The following ZFC3H1 variants were observed in gnomAD, a reference collection of about 807,000 sequenced individuals.
ZFC3H1 encodes the protein zinc finger C3H1-type containing.
In ZFC3H1, 71 loss-of-function variants were observed where a neutral mutation model predicts 243.7. The ratio of observed to expected loss-of-function variants is 0.29; its 90% CI spans 0.24 to 0.36. The LOEUF (loss-of-function observed/expected upper bound fraction) is 0.36, where lower values mean the gene tolerates loss of function less well. Ranked by LOEUF, ZFC3H1 falls within the 10% of genes least tolerant of loss-of-function variation. The pLI, the probability that ZFC3H1 is intolerant of heterozygous loss-of-function variation, is 1.00. For synonymous variants in ZFC3H1, 838 were observed against 813.0 expected, an observed-to-expected ratio of 1.03 and a Z score of -0.52; for missense variants, 1,966 against 2,317.1, an observed-to-expected ratio of 0.85 and a Z score of 3.11.
chr12:71,640,222 A>G (rs971231803), intron 6 of ZFC3H1, among the ~76,000 whole-genome samples: 1 of 152,140 alleles, frequency 6.6e-6, no homozygotes, highest in Non-Finnish European at 1.5e-5. Flanking sequence ...AGGTTTCACC[A>G]TGTTGGCCAG....
rs1279883035 is a variant in ZFC3H1 at position 71,615,331 on chromosome 12, C to T, written c.5145-15G>A. ...TTAAGAGATACCTGAAAAAAAAAAT[C>T]CAAATATTGTTTTAAATTACACCTA... On this transcript the variant is annotated splice_polypyrimidine_tract_variant and intron_variant, in intron 27 of 34. Transcript: ENST00000378743. The T allele has an allele frequency of 1.3e-6, 2 of 1,521,278 alleles. No homozygotes were observed. Among genetic ancestry groups the T allele is most frequent in the South Asian group, 1.2e-5 (1 of 85,792 alleles). The allele number at this position is 1,521,278 out of a possible 1,614,324, so 94.2% of individuals were successfully genotyped here.
intron 3 of ZFC3H1, among the ~76,000 whole-genome samples, chr12:71,647,316 T>C (rs1223779681): frequency 6.6e-6 from 1 of 152,064 alleles, no homozygotes; most frequent in East Asian, 1.9e-4. Flanking sequence ...GTTCAGTTTG[T>C]AGAAAAGAAT....
At position 71,632,369 on chromosome 12, in the gene ZFC3H1, G is replaced by A; in HGVS notation, c.2963C>T (p.Ala988Val). 6.2e-7 allele frequency: 1 copy of A among 1,613,486 alleles called. No individual in the cohort carries two copies. The highest frequency in any genetic ancestry group is 8.5e-7 in the Non-Finnish European group (1 of 1,179,828). ...ATTTTGTTGTTCCTTTGCTTTAAGG[G>A]CACGGGCTTCTTTTAATTTTTGAAT... ...LKIQKLKEAR[A>V]LKAKEQQNIS... Residue 988 changes from alanine (A) to valine (V), a missense_variant, in exon 15 of 35, where the codon GCC (alanine) becomes GTC (valine). Physicochemically the swap from Ala to Val is moderately conservative, Grantham distance 64 (BLOSUM62 0). Transcript: ENST00000378743.
At chr12:71,653,319 G>A (rs1880937438) in intron 2 of ZFC3H1, among the ~76,000 whole-genome samples, 1 of 152,184 alleles carries the variant, frequency 6.6e-6, no homozygotes, top group South Asian at 2.1e-4. Flanking sequence ...TAAAACGAAA[G>A]ATGTATCAGA....
intron 1 of ZFC3H1, 32 bp from the exon 2 acceptor site, chr12:71,657,333 A>G (rs569968487): frequency 1.4e-6 from 2 of 1,416,708 alleles, no homozygotes; most frequent in Admixed American, 5.4e-5. Context: ...CCAGTTTCCA[A>G]AAATTTTCCA....
At chr12:71,626,235 CACGT>C (rs1565809390) in intron 22 of ZFC3H1, 21 bp downstream of exon 22, 1 of 1,610,514 alleles carries the variant, frequency 6.2e-7, no homozygotes, top group Non-Finnish European at 8.5e-7. Context: ...CACACACACA[CACGT>C]ACGTTATCTT....
Position 71,631,906 on chromosome 12 carries a change from A to G in ZFC3H1, c.3361-19T>C, listed in dbSNP as rs1476661840. ...AAATCTCCTGCAAAAGAAAATAATA[A>G]TTCTGTAAGGCAAATAAGGCTGGGT... is the stretch of plus-strand genomic sequence containing the variant. On this transcript the variant is annotated intron_variant, in intron 15 of 34. Transcript: ENST00000378743. 2.5e-6 allele frequency: 4 copies of G among 1,608,820 alleles called. No homozygotes were observed. The African/African-American group carries it at 5.4e-5, about 22-fold the overall frequency.
intron 27 of ZFC3H1, 142 bp downstream of exon 27, chr12:71,619,171 TTC>T (rs1176084066): frequency 2.2e-5 from 14 of 629,640 alleles, no homozygotes; most frequent in Non-Finnish European, 2.6e-5. Context: ...GTTCTATTTA[TTC>T]TGTTTCAAGT....
rs750223406 is a variant in ZFC3H1, at chr12:71,657,123, T to G, written c.777A>C (p.Glu259Asp). 3.7e-6 allele frequency: 6 copies of G among 1,613,994 alleles called. No homozygotes were observed. The highest frequency in any genetic ancestry group is 5.1e-6 in the Non-Finnish European group (6 of 1,179,938). ...ALSSKEENVQEDPKTLNFEDQ... is the reference protein window; with the variant it reads ...ALSSKEENVQDDPKTLNFEDQ... ...CCTCGAAGTTCAATGTTTTAGGATCTTCCTGCACATTCTCTTCTTTGCTAC... is the reference window on the plus strand; with the variant it reads ...CCTCGAAGTTCAATGTTTTAGGATCGTCCTGCACATTCTCTTCTTTGCTAC... Residue 259 changes from glutamate (E) to aspartate (D), a missense_variant, in exon 2 of 35, where the codon GAA becomes GAC. Coordinates refer to ENST00000378743, the MANE Select transcript of ZFC3H1 (RefSeq NM_144982.5).
intron 2 of ZFC3H1, among the ~76,000 whole-genome samples, chr12:71,649,091 CAA>C (rs35231608): frequency 2.4e-3 from 214 of 89,812 alleles, no homozygotes; most frequent in African/African-American, 6.4e-3. Context: ...ACTCTTGTCT[CAA>C]AAAAAAAAAA....
chr12:71,631,105 G>A (rs566296688), intron 16 of ZFC3H1, 151 bp from the exon 17 acceptor site: 7 of 787,600 alleles, frequency 8.9e-6, no homozygotes, highest in Middle Eastern at 3.6e-4. Flanking sequence ...AAATTAATTC[G>A]AGAAAAGACC....
chr12:71,622,148 TTTTG>T (rs1272803736), intron 24 of ZFC3H1, among the ~76,000 whole-genome samples: 3 of 152,224 alleles, frequency 2.0e-5, no homozygotes, highest in Admixed American at 6.5e-5. Flanking sequence ...ACCTGTTGCT[TTTTG>T]TTTATTTAAC....
Position 71,663,475 on chromosome 12 carries a change from CGCTGCTGCTGCT to C in ZFC3H1, c.124_135del (p.Ser42_Ser45del). On this transcript the variant is annotated inframe_deletion, in exon 1 of 35. Transcript: ENST00000378743. ...CGCGGATAGGGTAACAGCCCGCCGC[CGCTGCTGCTGCT>C]GCTGCTCCGACTCCGTATCTGGCTG... The C allele has an allele frequency of 6.2e-7, 1 of 1,612,764 alleles. No homozygotes were observed. Among genetic ancestry groups the C allele is most frequent in the Non-Finnish European group, 8.5e-7 (1 of 1,179,978 alleles).
chr12:71,624,991 G>A (rs1246501797), intron 22 of ZFC3H1, among the ~76,000 whole-genome samples: 2 of 151,830 alleles, frequency 1.3e-5, no homozygotes, highest in African/African-American at 2.4e-5. Flanking sequence ...AAGAAAGAAA[G>A]GAAATGCATG....
chr12:71,610,308 T>G lies in ZFC3H1; in HGVS notation c.*120A>C. On this transcript the variant is annotated 3_prime_UTR_variant, in exon 35 of 35. Coordinates refer to ENST00000378743, the MANE Select transcript of ZFC3H1 (RefSeq NM_144982.5). ...ACAGGATATTGTAGGGAACTTGATA[T>G]GATCAATAACGCTTGTCTGCCTTAC... 8.3e-7 allele frequency: 1 copy of G among 1,199,880 alleles called. No homozygotes were observed. Among genetic ancestry groups the G allele is most frequent in the South Asian group, 1.5e-5 (1 of 65,620 alleles). The allele number at this position is 1,199,880 out of a possible 1,614,324, so 74.3% of individuals were successfully genotyped here. A position where few individuals can be genotyped will look rare whatever the true frequency, so the allele number is the denominator to read the frequency against.
At position 71,611,107 on chromosome 12, in the gene ZFC3H1, A is replaced by AG. The variant is rs765677257; in HGVS notation, c.5730-11_5730-10insC. 1 of 1,450,458 alleles carries AG rather than the reference A, an allele frequency of 6.9e-7. No individual in the cohort carries two copies. Among genetic ancestry groups the AG allele is most frequent in the Admixed American group, 2.3e-5 (1 of 43,464 alleles). The allele number at this position is 1,450,458 out of a possible 1,614,324, so 89.8% of individuals were successfully genotyped here. ...CTCAGCAGCAATGGCTCTAAGAGAAAAAAAAAAAAAAAGAAATATAGAAAA... is the reference window on the plus strand; with the variant it reads ...CTCAGCAGCAATGGCTCTAAGAGAAAGAAAAAAAAAAAAGAAATATAGAAAA... On this transcript the variant is annotated splice_polypyrimidine_tract_variant and intron_variant, in intron 32 of 34. Coordinates refer to ENST00000378743, the MANE Select transcript of ZFC3H1 (RefSeq NM_144982.5).
rs201858919 is a variant in ZFC3H1 at position 71,634,234 on chromosome 12, C to A, written c.2431G>T (p.Val811Leu). 2 of 1,614,114 alleles carry A rather than the reference C, an allele frequency of 1.2e-6. No homozygotes were observed. The highest frequency in any genetic ancestry group is 3.3e-5 in the Admixed American group (2 of 60,024). ...TSSSSPANSD[V>L]EIDGIGRIAM... The stretch of plus-strand genomic sequence containing the variant: ...ATCCTGCCAATACCATCAATTTCCA[C>A]ATCAGAGTTTGCTGGGGATGATGAA... The change falls in exon 12 of 35, where the codon GTG becomes TTG. Residue 811 changes from valine (V) to leucine (L), a missense_variant. Physicochemically the swap from Val to Leu is conservative, Grantham distance 32. This residue lies in a region of ZFC3H1 where 1,383 missense variants were observed against 1,723.7 expected (regional missense o/e 0.80). Coordinates refer to ENST00000378743, the MANE Select transcript of ZFC3H1 (RefSeq NM_144982.5).
At chr12:71,645,355 GAA>G (rs1462300455) in intron 3 of ZFC3H1, among the ~76,000 whole-genome samples, 2 of 152,126 alleles carry the variant, frequency 1.3e-5, no homozygotes, top group Admixed American at 6.6e-5. Context: ...ATGCAAAAAA[GAA>G]AAGAGTTAGT....
chr12:71,614,379 AATAG>A (rs1310248167), intron 30 of ZFC3H1, among the ~76,000 whole-genome samples, 152 bp downstream of exon 30: 1 of 152,194 alleles, frequency 6.6e-6, no homozygotes, highest in Non-Finnish European at 1.5e-5. Flanking sequence ...CTAGACTCTG[AATAG>A]ATAAATAAGA....
Sources: gnomAD v4.1 joint callset for allele counts (sites outside exome capture counted in the v4.1 genomes callset) on GRCh38, gnomAD v4.1.1 for gene constraint, gnomAD v4.1.1 regional missense constraint, MANE v1.5 for transcripts, NCBI Gene and HGNC (gene_info 2026-07-23, HGNC 2026-07-21) for gene names.